ZNF653: variants seen among roughly 807,000 people sequenced by gnomAD.
ZNF653 encodes the protein 67 kDa zinc finger protein.
A neutral mutation model predicts 59.9 loss-of-function variants in ZNF653; 37 were observed. The ratio of observed to expected loss-of-function variants is 0.62; its 90% CI spans 0.48 to 0.81. The LOEUF (loss-of-function observed/expected upper bound fraction) is 0.81. Among genes scored for constraint, ZNF653 ranks in the 40% least tolerant of loss-of-function variants. The pLI, the probability that ZNF653 is intolerant of heterozygous loss-of-function variation, is 0.00. For missense variants in ZNF653, 808 were observed against 881.1 expected, an observed-to-expected ratio of 0.92 and a Z score of 1.05; for synonymous variants, 435 against 371.8, an observed-to-expected ratio of 1.17 and a Z score of -1.96.
At chr19:11,499,425 C>T (rs1396161421) in intron 1 of ZNF653, among the ~76,000 whole-genome samples, 1 of 152,082 alleles carries the variant, frequency 6.6e-6, no homozygotes, top group Admixed American at 6.6e-5. Context: ...CCTGTAGTCC[C>T]AGCTACTTGA....
intron 1 of ZNF653, among the ~76,000 whole-genome samples, chr19:11,499,026 A>G (rs1375767308): frequency 6.6e-6 from 1 of 152,160 alleles, no homozygotes; most frequent in Non-Finnish European, 1.5e-5. Flanking sequence ...TGCCCAGCCT[A>G]GAATCTGAAC....
chr19:11,492,888 G>C (rs922216957), intron 3 of ZNF653, among the ~76,000 whole-genome samples: 1 of 152,056 alleles, frequency 6.6e-6, no homozygotes, highest in Admixed American at 6.6e-5. Flanking sequence ...TGGAAGTACA[G>C]GCACACACCA....
chr19:11,485,624 C>A lies in ZNF653; in HGVS notation c.1570+32G>T, dbSNP rs368267798. 1.9e-6 allele frequency: 3 copies of A among 1,574,162 alleles called. No individual in the cohort carries two copies. In the South Asian group the frequency reaches 3.3e-5, roughly 17 times the overall value. On this transcript the variant is annotated intron_variant, in intron 7 of 8. Transcript: ENST00000293771. ...CCCAGGCCCATGTCCCTGTGTCCCCCGCTCATGCTGCCAGCTGGCCCAGGG... is the reference window on the plus strand; with the variant it reads ...CCCAGGCCCATGTCCCTGTGTCCCCAGCTCATGCTGCCAGCTGGCCCAGGG...
chr19:11,483,688 G>A lies in ZNF653; in HGVS notation c.1842C>T (p.Pro614=), dbSNP rs896772895. The change falls in exon 9 of 9, where the codon CCC becomes CCT. Residue 614 remains proline (P), a synonymous_variant. Transcript: ENST00000293771. Reference sequence around the variant, plus strand: ...CGGTCAGTGGTCAGGTGGGTCAGGTGGGCTTGTGATCCGGGTGGCTTTTGA... The same window carrying A: ...CGGTCAGTGGTCAGGTGGGTCAGGTAGGCTTGTGATCCGGGTGGCTTTTGA... ...HTLKSHPDHK[P]T The A allele has an allele frequency of 6.2e-7, 1 of 1,612,328 alleles. No homozygotes were observed. Among genetic ancestry groups the A allele is most frequent in the East Asian group, 2.2e-5 (1 of 44,796 alleles).
rs1971430468 is a variant in ZNF653, at chr19:11,483,603, G to A, written c.*79C>T. 6.5e-7 allele frequency: 1 copy of A among 1,530,838 alleles called. No individual in the cohort carries two copies. Among genetic ancestry groups the A allele is most frequent in the East Asian group, 2.3e-5 (1 of 42,790 alleles). The allele number at this position is 1,530,838 out of a possible 1,614,324, so 94.8% of individuals were successfully genotyped here. A position where few individuals can be genotyped will look rare whatever the true frequency, so the allele number is the denominator to read the frequency against. On this transcript the variant is annotated 3_prime_UTR_variant, in exon 9 of 9. Coordinates refer to ENST00000293771, the MANE Select transcript of ZNF653 (RefSeq NM_138783.4). ...CCGGCCCGCGGTCCGGGCGGCCCTC[G>A]CAGCTGTCCAGGCCCCGGCAAGCCC...
chr19:11,487,236 C>A lies in ZNF653; in HGVS notation c.1171+56G>T. 6.3e-7 allele frequency: 1 copy of A among 1,598,294 alleles called. No individual in the cohort carries two copies. ...CCCACTTCGAGGGCCATTCCTCGCC[C>A]GGCCCCTCCCAGGCCCAACCACCCC... On this transcript the variant is annotated intron_variant, in intron 4 of 8. Transcript: ENST00000293771. The surrounding 1 kb of genome is among the most constrained non-coding windows in gnomAD (Gnocchi z 5.1).
intron 8 of ZNF653, 75 bp downstream of exon 8, chr19:11,483,967 C>T (rs772156170): frequency 1.5e-5 from 23 of 1,529,440 alleles, no homozygotes; most frequent in Non-Finnish European, 1.6e-5. Flanking sequence ...TGCGTTGGGG[C>T]GAAGCCGCCC....
Position 11,495,655 on chromosome 19 carries a change from G to A in ZNF653, c.559+295C>T, listed in dbSNP as rs1284568939. ...CAGCAGGCCTGCCCCCGCCCCAGCT[G>A]CCAAGCCAGGGCTCCTGGGCCCTCA... is the stretch of plus-strand genomic sequence containing the variant. On this transcript the variant is annotated intron_variant, in intron 3 of 8. Transcript: ENST00000293771. The surrounding 1 kb of genome is among the most constrained non-coding windows in gnomAD (Gnocchi z 4.9). 2.3e-6 allele frequency: 1 copy of A among 431,364 alleles called. No individual in the cohort carries two copies. Among genetic ancestry groups the A allele is most frequent in the East Asian group, 4.8e-5 (1 of 20,920 alleles). 26.7% of individuals were successfully genotyped at this position (431,364 alleles called of 1,614,324 possible). A position where few individuals can be genotyped will look rare whatever the true frequency, so the allele number is the denominator to read the frequency against.
In ZNF653 at chr19:11,483,438, G is replaced by C. The variant is rs1356534675; in HGVS notation, c.*244C>G. On this transcript the variant is annotated 3_prime_UTR_variant, in exon 9 of 9. Coordinates refer to ENST00000293771, the MANE Select transcript of ZNF653 (RefSeq NM_138783.4). ...CTAGGGGAAGGGCATCTCCTTTCTC[G>C]CTCTTTAATCTCACTCTGCTCTCTT... 1 of 1,317,522 alleles carries C rather than the reference G, an allele frequency of 7.6e-7. No individual in the cohort carries two copies. Among genetic ancestry groups the C allele is most frequent in the East Asian group, 3.2e-5 (1 of 31,224 alleles). The allele number at this position is 1,317,522 out of a possible 1,614,324, so 81.6% of individuals were successfully genotyped here. A position where few individuals can be genotyped will look rare whatever the true frequency, so the allele number is the denominator to read the frequency against.
intron 7 of ZNF653, 52 bp from the exon 8 acceptor site, chr19:11,484,193 G>A: frequency 7.3e-7 from 1 of 1,372,856 alleles, no homozygotes; most frequent in Non-Finnish European, 1.0e-6. Flanking sequence ...GGGTGTCTCT[G>A]ATGTGCTGCA....
intron 3 of ZNF653, among the ~76,000 whole-genome samples, chr19:11,491,444 C>T (rs1371569384): frequency 6.6e-6 from 1 of 152,200 alleles, no homozygotes; most frequent in African/African-American, 2.4e-5. Flanking sequence ...AAACAAACCA[C>T]TGTGCCAGGT....
In ZNF653 at chr19:11,487,409, C is replaced by A; in HGVS notation, c.1054G>T (p.Glu352Ter). 6.2e-7 allele frequency: 1 copy of A among 1,612,136 alleles called. No homozygotes were observed. The highest frequency in any genetic ancestry group is 8.5e-7 in the Non-Finnish European group (1 of 1,179,912). ...GSGVPGSGLG[E>*]EVPCAMMEGV... is the part of the protein sequence containing the mutation. Reference sequence around the variant, plus strand: ...TCCATCATGGCACAGGGCACCTCCTCGCCCAGTCCACTGCCGGGGACACCG... The same window carrying A: ...TCCATCATGGCACAGGGCACCTCCTAGCCCAGTCCACTGCCGGGGACACCG... Residue 352 changes from glutamate (E) to a stop codon, truncating the protein, a stop_gained, in exon 4 of 9, where the codon GAG (glutamate) becomes TAG (stop). Coordinates refer to ENST00000293771, the MANE Select transcript of ZNF653 (RefSeq NM_138783.4). LOFTEE classifies it high-confidence loss of function. This position sits in a 1 kb window ranked among gnomAD's most constrained non-coding sequence, Gnocchi z 5.1.
chr19:11,486,036 A>AC (rs965295441), intron 6 of ZNF653, among the ~76,000 whole-genome samples: 15 of 150,630 alleles, frequency 1.0e-4, no homozygotes, highest in African/African-American at 2.0e-4. Flanking sequence ...TGCAAGCTCC[A>AC]CCCCCCCGGG....
At position 11,502,956 on chromosome 19, in the gene ZNF653, C is replaced by T. The variant is rs536689362; in HGVS notation, c.299+2532G>A. On this transcript the variant is annotated intron_variant, in intron 1 of 8. Coordinates refer to ENST00000293771, the MANE Select transcript of ZNF653 (RefSeq NM_138783.4). ...GGCTGAGGCAGGAGAATCGCTTGAACGCGGGAGGCAGAGGTTGCAGTGAGC... is the reference window on the plus strand; with the variant it reads ...GGCTGAGGCAGGAGAATCGCTTGAATGCGGGAGGCAGAGGTTGCAGTGAGC... Among the ~76,000 whole-genome samples, 768 of 151,420 alleles carry T rather than the reference C, an allele frequency of 5.1e-3. 5 individuals are homozygous for T. Among genetic ancestry groups the T allele is most frequent in the Admixed American group, 0.012 (179 of 15,190 alleles).
intron 3 of ZNF653, among the ~76,000 whole-genome samples, chr19:11,491,763 G>A (rs2144940504): frequency 6.6e-6 from 1 of 151,938 alleles, no homozygotes; most frequent in East Asian, 2.0e-4. Flanking sequence ...ATTTTTAGTA[G>A]AGACAGGGTT....
rs1239322826 is a variant in ZNF653, at chr19:11,483,874, T to G, written c.1671-15A>C. ...AGATCTCGCACCTGCCGGGAGCCCG[T>G]GGCGGGACGGGGCGGGGTCAGAGTG... On this transcript the variant is annotated splice_polypyrimidine_tract_variant and intron_variant, in intron 8 of 8. Transcript: ENST00000293771. 2.3e-6 allele frequency: 2 copies of G among 871,574 alleles called. No individual in the cohort carries two copies. Among genetic ancestry groups the G allele is most frequent in the South Asian group, 1.5e-5 (1 of 64,992 alleles). The allele number at this position is 871,574 out of a possible 1,614,324, so 54.0% of individuals were successfully genotyped here.
Position 11,505,814 on chromosome 19 carries a change from C to G in ZNF653, c.-28G>C. The G allele has an allele frequency of 1.5e-6, 2 of 1,362,110 alleles. No individual in the cohort carries two copies. The highest frequency in any genetic ancestry group is 1.9e-6 in the Non-Finnish European group (2 of 1,058,788). The allele number at this position is 1,362,110 out of a possible 1,614,324, so 84.4% of individuals were successfully genotyped here. ...CCCCCACCCTGGTTACCAGCCTCCC[C>G]CGTTGTTAGGAGCCAGACCGGAAGT... On this transcript the variant is annotated 5_prime_UTR_variant, in exon 1 of 9. Coordinates refer to ENST00000293771, the MANE Select transcript of ZNF653 (RefSeq NM_138783.4).
In ZNF653 at chr19:11,487,243, TC is replaced by T; in HGVS notation, c.1171+48del. On this transcript the variant is annotated intron_variant, in intron 4 of 8. Coordinates refer to ENST00000293771, the MANE Select transcript of ZNF653 (RefSeq NM_138783.4). The surrounding 1 kb of genome is among the most constrained non-coding windows in gnomAD (Gnocchi z 5.1). ...CGAGGGCCATTCCTCGCCCGGCCCC[TC>T]CCAGGCCCAACCACCCCTGGCCAGA... is the stretch of plus-strand genomic sequence containing the variant. 1.3e-6 allele frequency: 2 copies of T among 1,599,460 alleles called. No homozygotes were observed. Among genetic ancestry groups the T allele is most frequent in the Non-Finnish European group, 1.7e-6 (2 of 1,172,248 alleles).
chr19:11,494,143 G>A (rs1199485997), intron 3 of ZNF653, among the ~76,000 whole-genome samples: 2 of 152,072 alleles, frequency 1.3e-5, no homozygotes, highest in Non-Finnish European at 2.9e-5. Flanking sequence ...CCAAAGTGGT[G>A]AAAACCCACG....
Sources: allele counts gnomAD v4.1 joint callset (sites outside exome capture counted in the v4.1 genomes callset), GRCh38; gene constraint gnomAD v4.1.1; non-coding constraint Gnocchi (gnomAD v3.1); transcripts MANE v1.5; gene names NCBI Gene and HGNC (gene_info 2026-07-23, HGNC 2026-07-21).